Variants in KCNH7 observed in about 807,000 individuals in gnomAD.
KCNH7 encodes voltage-gated inwardly rectifying potassium channel KCNH7.
In KCNH7, 49 loss-of-function variants were observed where a neutral mutation model predicts 120.8. The observed-to-expected ratio is 0.41, with a 90% CI of 0.32 to 0.51. The LOEUF (loss-of-function observed/expected upper bound fraction) is 0.51. Among genes scored for constraint, KCNH7 ranks in the 20% least tolerant of loss-of-function variants. KCNH7 has a pLI of 0.38. For synonymous variants in KCNH7, 547 were observed against 516.1 expected (o/e 1.06, Z -0.81); for missense variants, 1,097 against 1,446.6 (o/e 0.76, Z 3.92).
At chr2:162,373,440 C>G in intron 15 of KCNH7, 30 bp downstream of exon 15, 1 of 1,424,392 alleles carries the variant, frequency 7.0e-7, no homozygotes, top group Non-Finnish European at 9.3e-7. Flanking sequence ...CTGTGAGAGA[C>G]ACTCTTGGTT....
At chr2:162,444,812 C>A (rs1240013847) in intron 7 of KCNH7, among the ~76,000 whole-genome samples, 1 of 151,798 alleles carries the variant, frequency 6.6e-6, no homozygotes, top group Non-Finnish European at 1.5e-5. Flanking sequence ...TTAGTTAAAA[C>A]CCAAAGTTAG....
At chr2:162,584,219 A>T (rs1693958709) in intron 2 of KCNH7, among the ~76,000 whole-genome samples, 1 of 152,106 alleles carries the variant, frequency 6.6e-6, no homozygotes, top group African/African-American at 2.4e-5. Flanking sequence ...TTGATGATGT[A>T]ATTTACATTT....
At chr2:162,780,863 C>T (rs551921747) in intron 2 of KCNH7, among the ~76,000 whole-genome samples, 12 of 152,010 alleles carry the variant, frequency 7.9e-5, no homozygotes, top group African/African-American at 2.9e-4. Flanking sequence ...TGATTTGATC[C>T]CTTTTAAGGT....
At chr2:162,412,926 A>T (rs1687431725) in intron 9 of KCNH7, among the ~76,000 whole-genome samples, 1 of 152,084 alleles carries the variant, frequency 6.6e-6, no homozygotes, top group Non-Finnish European at 1.5e-5. Context: ...CACTCTTGGG[A>T]GCCATATTTA....
At chr2:162,571,644 T>C (rs1045797190) in intron 2 of KCNH7, among the ~76,000 whole-genome samples, 1 of 147,228 alleles carries the variant, frequency 6.8e-6, no homozygotes, top group African/African-American at 2.5e-5. Flanking sequence ...GACTTCAAAC[T>C]ATACTACAAG....
At chr2:162,430,982 CT>C (rs900648841) in intron 8 of KCNH7, among the ~76,000 whole-genome samples, 1 of 151,794 alleles carries the variant, frequency 6.6e-6, no homozygotes, top group African/African-American at 2.4e-5. Context: ...CACAGTCTTC[CT>C]TTTTTATTTT....
chr2:162,579,508 T>C (rs751615383), intron 2 of KCNH7, among the ~76,000 whole-genome samples: 1 of 152,012 alleles, frequency 6.6e-6, no homozygotes, highest in East Asian at 1.9e-4. Flanking sequence ...AGTGAGTAGG[T>C]TGGAGACTCG....
chr2:162,492,646 G>A (rs1343461039), intron 6 of KCNH7, among the ~76,000 whole-genome samples: 1 of 152,042 alleles, frequency 6.6e-6, no homozygotes, highest in Non-Finnish European at 1.5e-5. Flanking sequence ...TGAACACTAA[G>A]GTTAAGTCAT....
intron 6 of KCNH7, among the ~76,000 whole-genome samples, chr2:162,449,942 A>T (rs1234768399): frequency 6.6e-6 from 1 of 152,108 alleles, no homozygotes; most frequent in East Asian, 1.9e-4. Context: ...TCAATATCTG[A>T]CATTTCTGTA....
At chr2:162,379,403 T>C (rs763875716) in intron 14 of KCNH7, among the ~76,000 whole-genome samples, 1 of 152,214 alleles carries the variant, frequency 6.6e-6, no homozygotes, top group Non-Finnish European at 1.5e-5. Flanking sequence ...TTCAAGTCAA[T>C]TACATTTTTT....
At chr2:162,687,282 G>T (rs1380577734) in intron 2 of KCNH7, among the ~76,000 whole-genome samples, 1 of 152,032 alleles carries the variant, frequency 6.6e-6, no homozygotes, top group Non-Finnish European at 1.5e-5. Context: ...GGCTTACAGT[G>T]GTTCAGACTA....
chr2:162,725,236 TA>T (rs1479963875), intron 2 of KCNH7, among the ~76,000 whole-genome samples: 2 of 152,228 alleles, frequency 1.3e-5, no homozygotes, highest in African/African-American at 4.8e-5. Flanking sequence ...CAATTAATCA[TA>T]TTCCTATTGT....
intron 6 of KCNH7, among the ~76,000 whole-genome samples, chr2:162,502,871 C>T (rs1574036670): frequency 6.6e-6 from 1 of 151,972 alleles, no homozygotes; most frequent in East Asian, 1.9e-4. Flanking sequence ...TGCTGAGATC[C>T]CACATGGCTG....
intron 9 of KCNH7, among the ~76,000 whole-genome samples, chr2:162,401,258 C>A (rs1261081507): frequency 6.6e-6 from 1 of 151,874 alleles, no homozygotes. Flanking sequence ...ATACAATTCT[C>A]AATATACAAT....
chr2:162,554,828 T>G (rs777471901), intron 2 of KCNH7, among the ~76,000 whole-genome samples: 28 of 152,170 alleles, frequency 1.8e-4, no homozygotes, highest in Admixed American at 3.9e-4. Context: ...CAGAGTCCAT[T>G]TTGCTATGTA....
chr2:162,570,122 T>C (rs1226564579), intron 2 of KCNH7, among the ~76,000 whole-genome samples: 55 of 149,300 alleles, frequency 3.7e-4, no homozygotes, highest in Non-Finnish European at 7.0e-4. Context: ...CTAATGTTGA[T>C]AGTGGGGTCT....
intron 2 of KCNH7, among the ~76,000 whole-genome samples, chr2:162,814,795 C>G (rs1022547007): frequency 1.3e-5 from 2 of 152,158 alleles, no homozygotes; most frequent in African/African-American, 4.8e-5. Flanking sequence ...GGCATGCTCT[C>G]TTTTGGAGGG....
chr2:162,761,721 T>C (rs1314208373), intron 2 of KCNH7, among the ~76,000 whole-genome samples: 1 of 152,078 alleles, frequency 6.6e-6, no homozygotes, highest in Non-Finnish European at 1.5e-5. Flanking sequence ...TGTTTACCTA[T>C]CACTTTCTAA....
chr2:162,705,547 T>C (rs1392045435), intron 2 of KCNH7, among the ~76,000 whole-genome samples: 1 of 152,102 alleles, frequency 6.6e-6, no homozygotes, highest in Non-Finnish European at 1.5e-5. Flanking sequence ...GTATTTTGTG[T>C]CTCCTCTGAT....
Sources: gnomAD v4.1 joint callset for allele counts (sites outside exome capture counted in the v4.1 genomes callset) on GRCh38, gnomAD v4.1.1 for gene constraint, MANE v1.5 for transcripts, NCBI Gene and HGNC (gene_info 2026-07-23, HGNC 2026-07-21) for gene names.